FSTL4: variants seen among roughly 807,000 people sequenced by gnomAD.
The protein encoded by FSTL4 is follistatin like 4.
FSTL4 carries 28 observed loss-of-function variants against 78.2 expected under a neutral mutation model. That is an observed-to-expected ratio of 0.36 (90% confidence interval 0.27 to 0.49). The LOEUF (loss-of-function observed/expected upper bound fraction) is 0.49. Ranked by LOEUF, FSTL4 falls within the 20% of genes least tolerant of loss-of-function variation. The pLI is 0.98. For missense variants in FSTL4, 922 were observed against 1,084.9 expected (o/e 0.85, Z 2.11); for synonymous variants, 422 against 440.5 (o/e 0.96, Z 0.53).
At chr5:133,519,125 AG>A (rs1758922858) in intron 3 of FSTL4, among the ~76,000 whole-genome samples, 1 of 152,186 alleles carries the variant, frequency 6.6e-6, no homozygotes, top group Non-Finnish European at 1.5e-5. Flanking sequence ...CCATGCAAGG[AG>A]GGGGTCCCCT....
chr5:133,675,783 G>A, the FSTL4 span, among the ~76,000 whole-genome samples: 5 of 152,342 alleles, frequency 3.3e-5, no homozygotes, highest in Admixed American at 6.5e-5. Context: ...AAAGTGGGAA[G>A]AGCCTACTAA....
chr5:133,680,932 A>T, the FSTL4 span, among the ~76,000 whole-genome samples: 2 of 148,682 alleles, frequency 1.3e-5, no homozygotes, highest in Admixed American at 1.3e-4. Context: ...TCATGGGCAC[A>T]GTCAGAACTG....
rs554084908 is a variant in FSTL4 at position 133,554,941 on chromosome 5, G to A, written c.160+12245C>T. Reference sequence around the variant, plus strand: ...TTCTCAGTCTGGGTTTCAGTAGCAGGGACATCTGTAGCTATCAGAAAATGC... The same window carrying A: ...TTCTCAGTCTGGGTTTCAGTAGCAGAGACATCTGTAGCTATCAGAAAATGC... On this transcript the variant is annotated intron_variant, in intron 3 of 15. Coordinates refer to ENST00000265342, the MANE Select transcript of FSTL4 (RefSeq NM_015082.2). Among the ~76,000 whole-genome samples, 31 of 152,234 alleles carry A rather than the reference G, an allele frequency of 2.0e-4. No homozygotes were observed. In the South Asian group the frequency reaches 6.4e-3, roughly 32 times the overall value.
intron 3 of FSTL4, among the ~76,000 whole-genome samples, chr5:133,516,533 G>A (rs901793743): frequency 6.6e-6 from 1 of 152,224 alleles, no homozygotes; most frequent in Non-Finnish European, 1.5e-5. Flanking sequence ...CTGTGTCCCT[G>A]AATAGGAAAA....
At chr5:133,799,044 AAGGTAGAGAGGAAAGG>A in the FSTL4 span, among the ~76,000 whole-genome samples, 3 of 94,000 alleles carry the variant, frequency 3.2e-5, 1 homozygote, top group African/African-American at 1.2e-4. Context: ...GAGAGGGAGG[AAGGTAGAGAGGAAAGG>A]AGGTGGGGAG....
chr5:133,225,416 G>T lies in FSTL4; in HGVS notation c.1178-132C>A. The T allele has an allele frequency of 9.1e-7, 1 of 1,094,528 alleles. No homozygotes were observed. The highest frequency in any genetic ancestry group is 1.5e-5 in the South Asian group (1 of 68,810). The allele number at this position is 1,094,528 out of a possible 1,614,324, so 67.8% of individuals were successfully genotyped here. ...GCAGCCCTGATTATACGCCCAGGAA[G>T]GGCTGGCACATCTGAAATGCACTGA... On this transcript the variant is annotated intron_variant, in intron 9 of 15. Transcript: ENST00000265342. The surrounding 1 kb of genome is among the most constrained non-coding windows in gnomAD (Gnocchi z 4.6).
At chr5:133,497,909 C>T (rs1033226564) in intron 3 of FSTL4, among the ~76,000 whole-genome samples, 1 of 152,170 alleles carries the variant, frequency 6.6e-6, no homozygotes, top group African/African-American at 2.4e-5. Flanking sequence ...GAAGGTGCTT[C>T]TGCTGAACGC....
the FSTL4 span, among the ~76,000 whole-genome samples, chr5:133,755,939 G>A: frequency 9.8e-5 from 15 of 152,330 alleles, no homozygotes; most frequent in South Asian, 3.1e-3. Flanking sequence ...ATTACTGAAT[G>A]CCTACTATGT....
intron 2 of FSTL4, among the ~76,000 whole-genome samples, chr5:133,571,079 A>C (rs1281377639): frequency 1.3e-5 from 2 of 152,120 alleles, no homozygotes; most frequent in Non-Finnish European, 2.9e-5. Context: ...GCTGAGAAAC[A>C]AGTTAAAAAG....
intron 6 of FSTL4, chr5:133,252,168 G>A (rs941917898): frequency 6.6e-6 from 1 of 152,234 alleles, no homozygotes; most frequent in African/African-American, 2.4e-5. Context: ...TCTTTACAAT[G>A]GATTGAGCAT....
chr5:133,688,424 A>G, the FSTL4 span, among the ~76,000 whole-genome samples: 2 of 152,202 alleles, frequency 1.3e-5, no homozygotes, highest in African/African-American at 4.8e-5. Flanking sequence ...AAAAAAACAA[A>G]AGCAAGCAAC....
At chr5:133,695,636 C>T in the FSTL4 span, among the ~76,000 whole-genome samples, 11 of 152,170 alleles carry the variant, frequency 7.2e-5, no homozygotes, top group Admixed American at 6.5e-4. Flanking sequence ...CATTCAAGTC[C>T]AGCTCCTGCT....
At chr5:133,344,805 G>A (rs555367249) in intron 4 of FSTL4, among the ~76,000 whole-genome samples, 9 of 152,132 alleles carry the variant, frequency 5.9e-5, no homozygotes, top group Non-Finnish European at 1.3e-4. Flanking sequence ...TAACTTGAAT[G>A]GATTCTCTCC....
At chr5:133,244,022 T>C (rs1204921855) in intron 7 of FSTL4, 1 of 152,080 alleles carries the variant, frequency 6.6e-6, no homozygotes, top group African/African-American at 2.4e-5. Context: ...CCAGAATGGG[T>C]TTGCATGTTC....
intron 3 of FSTL4, among the ~76,000 whole-genome samples, chr5:133,418,796 T>G (rs1756633582): frequency 6.6e-6 from 1 of 152,204 alleles, no homozygotes; most frequent in Non-Finnish European, 1.5e-5. Flanking sequence ...GCATACAATT[T>G]GAAAGGTTTC....
the FSTL4 span, among the ~76,000 whole-genome samples, chr5:133,675,339 A>G: frequency 6.6e-6 from 1 of 152,256 alleles, no homozygotes; most frequent in Admixed American, 6.5e-5. Context: ...TTTGTTGCCA[A>G]TATCTCCAAA....
At chr5:133,393,076 C>G (rs138066394) in intron 4 of FSTL4, among the ~76,000 whole-genome samples, 153 of 152,268 alleles carry the variant, frequency 1.0e-3, no homozygotes, top group Middle Eastern at 3.4e-3. Context: ...TTTCTTGATC[C>G]TGGAAGCAGA....
At chr5:133,395,845 A>G (rs921145651) in intron 4 of FSTL4, among the ~76,000 whole-genome samples, 19 of 152,148 alleles carry the variant, frequency 1.2e-4, no homozygotes, top group African/African-American at 4.3e-4. Flanking sequence ...AGGCAGATGA[A>G]TTCTTACCCC....
At chr5:133,226,544 C>T (rs1020331386) in intron 8 of FSTL4, among the ~76,000 whole-genome samples, 2 of 152,200 alleles carry the variant, frequency 1.3e-5, no homozygotes, top group Non-Finnish European at 2.9e-5. Context: ...GGAGGACCCT[C>T]CCTCTTACCC....
Sources: gnomAD v4.1 joint callset for allele counts (sites outside exome capture counted in the v4.1 genomes callset) on GRCh38, gnomAD v4.1.1 for gene constraint, Gnocchi (gnomAD v3.1) non-coding constraint, MANE v1.5 for transcripts, NCBI Gene and HGNC (gene_info 2026-07-23, HGNC 2026-07-21) for gene names.